Variants in COL25A1 observed in about 807,000 individuals in gnomAD.
The protein encoded by COL25A1 is collagen type XXV alpha 1 chain, also known as collagen alpha-1(XXV) chain.
In COL25A1, 103 loss-of-function variants were observed where a neutral mutation model predicts 128.4. That is an observed-to-expected ratio of 0.80 (90% CI 0.68 to 0.94). The LOEUF (loss-of-function observed/expected upper bound fraction) is 0.94, where lower values mean the gene tolerates loss of function less well. Ranked by LOEUF, COL25A1 falls within the 40% of genes least tolerant of loss-of-function variation. The probability of loss-of-function intolerance (pLI) is 0.00; values close to 1 mark genes in which losing one functional copy is unlikely to be tolerated. For synonymous variants in COL25A1, 279 were observed against 277.2 expected (o/e 1.01, Z -0.06); for missense variants, 745 against 840.0 (o/e 0.89, Z 1.40).
chr4:109,293,925 A>T (rs1402733616), intron 3 of COL25A1, among the ~76,000 whole-genome samples: 1 of 152,142 alleles, frequency 6.6e-6, no homozygotes, highest in Non-Finnish European at 1.5e-5. Context: ...GTTCAATTAC[A>T]TTTAGTTCAT....
At chr4:109,150,648 T>A (rs1271413938) in intron 3 of COL25A1, among the ~76,000 whole-genome samples, 1 of 152,176 alleles carries the variant, frequency 6.6e-6, no homozygotes, top group Non-Finnish European at 1.5e-5. Flanking sequence ...AAAACAACTT[T>A]TTCTATGAGA....
intron 3 of COL25A1, among the ~76,000 whole-genome samples, chr4:109,147,981 C>A (rs550846890): frequency 4.6e-5 from 7 of 152,186 alleles, no homozygotes; most frequent in African/African-American, 1.4e-4. Context: ...GCTAAGAGTT[C>A]AGGAGAGAAT....
chr4:108,863,255 T>C (rs1295093678), intron 21 of COL25A1, 64 bp downstream of exon 21: 1 of 1,505,606 alleles, frequency 6.6e-7, no homozygotes, highest in Non-Finnish European at 9.2e-7. Context: ...GTTGTTTTAG[T>C]TTTTTGTGTT....
At chr4:108,941,213 T>C (rs1748047766) in intron 9 of COL25A1, among the ~76,000 whole-genome samples, 153 bp downstream of exon 9, 1 of 152,188 alleles carries the variant, frequency 6.6e-6, no homozygotes, top group Admixed American at 6.5e-5. Context: ...CAAATGCAGC[T>C]CACTAAACTT....
chr4:109,231,577 A>T (rs1779166729), intron 3 of COL25A1, among the ~76,000 whole-genome samples: 1 of 152,202 alleles, frequency 6.6e-6, no homozygotes, highest in Non-Finnish European at 1.5e-5. Flanking sequence ...TCAGGGATGA[A>T]ATCAAACAAG....
chr4:109,254,019 A>G (rs903901702), intron 3 of COL25A1, among the ~76,000 whole-genome samples: 17 of 151,708 alleles, frequency 1.1e-4, no homozygotes, highest in South Asian at 6.2e-4. Flanking sequence ...CCCAGGAGGC[A>G]GAGCTTGCAG....
At chr4:109,156,875 C>T (rs1319036966) in intron 3 of COL25A1, among the ~76,000 whole-genome samples, 2 of 152,194 alleles carry the variant, frequency 1.3e-5, no homozygotes, top group Non-Finnish European at 2.9e-5. Context: ...CCTTTCATTA[C>T]ATTCTCAAAG....
intron 3 of COL25A1, among the ~76,000 whole-genome samples, chr4:109,184,730 T>G (rs1490208635): frequency 6.6e-6 from 1 of 152,176 alleles, no homozygotes; most frequent in African/African-American, 2.4e-5. Flanking sequence ...ATCACATAAT[T>G]TCAGGGCAGA....
chr4:109,108,707 C>T (rs1316027203), intron 3 of COL25A1, among the ~76,000 whole-genome samples: 1 of 151,996 alleles, frequency 6.6e-6, no homozygotes, highest in Non-Finnish European at 1.5e-5. Flanking sequence ...TTCTCCAATC[C>T]TTCATTAAGG....
At chr4:109,093,632 C>A (rs573353886) in intron 3 of COL25A1, among the ~76,000 whole-genome samples, 2 of 151,756 alleles carry the variant, frequency 1.3e-5, no homozygotes, top group African/African-American at 2.4e-5. Flanking sequence ...CAAAGCAAGA[C>A]CCTATCTCTT....
intron 5 of COL25A1, among the ~76,000 whole-genome samples, chr4:109,042,442 C>A (rs891653264): frequency 6.6e-6 from 1 of 152,024 alleles, no homozygotes; most frequent in African/African-American, 2.4e-5. Flanking sequence ...AAAACTCTAC[C>A]CCCAAACAGC....
At chr4:108,888,164 A>G (rs925661549) in intron 18 of COL25A1, among the ~76,000 whole-genome samples, 1 of 152,164 alleles carries the variant, frequency 6.6e-6, no homozygotes, top group Non-Finnish European at 1.5e-5. Flanking sequence ...AATTAGAGAA[A>G]TGTTAAAAGA....
At chr4:109,210,526 G>A (rs1777412080) in intron 3 of COL25A1, among the ~76,000 whole-genome samples, 1 of 152,160 alleles carries the variant, frequency 6.6e-6, no homozygotes, top group South Asian at 2.1e-4. Context: ...AGACAAAATT[G>A]CAATGTGATC....
At position 108,896,730 on chromosome 4, in the gene COL25A1, G is replaced by A. The variant is rs1449522031; in HGVS notation, c.862-19C>T. ...CGTCTCCCTGAGGAGGTGAGAAAGT[G>A]ACACATGTAAAATACATTGGTGACG... On this transcript the variant is annotated intron_variant, in intron 15 of 37. Transcript: ENST00000399132. 2.5e-6 allele frequency: 4 copies of A among 1,611,490 alleles called. No individual in the cohort carries two copies. The East Asian group carries it at 6.7e-5, about 27-fold the overall frequency.
intron 5 of COL25A1, among the ~76,000 whole-genome samples, chr4:109,015,333 C>T (rs961163955): frequency 6.6e-6 from 1 of 152,192 alleles, no homozygotes; most frequent in Admixed American, 6.5e-5. Context: ...TGAAGGTTAA[C>T]TTTTTCTAAA....
At chr4:109,273,616 G>C (rs1354620212) in intron 3 of COL25A1, among the ~76,000 whole-genome samples, 1 of 152,136 alleles carries the variant, frequency 6.6e-6, no homozygotes, top group Non-Finnish European at 1.5e-5. Flanking sequence ...ATTTGACCCA[G>C]TGGTTTCCAA....
intron 20 of COL25A1, among the ~76,000 whole-genome samples, chr4:108,868,692 A>AAGGGAAGGAAGAAAGGAAGG (rs1480669122): frequency 5.4e-5 from 8 of 147,130 alleles, no homozygotes; most frequent in African/African-American, 1.7e-4. Flanking sequence ...AAGGGAAGCG[A>AAGGGAAGGAAGAAAGGAAGG]AGGGAAGGAA....
At chr4:108,839,037 A>T (rs1390873475) in intron 31 of COL25A1, among the ~76,000 whole-genome samples, 2 of 151,978 alleles carry the variant, frequency 1.3e-5, no homozygotes, top group African/African-American at 4.8e-5. Context: ...AGATGATTTC[A>T]GACACAAATA....
At chr4:109,285,670 A>G (rs1723807961) in intron 3 of COL25A1, among the ~76,000 whole-genome samples, 1 of 152,246 alleles carries the variant, frequency 6.6e-6, no homozygotes, top group South Asian at 2.1e-4. Context: ...CCATTGTTAA[A>G]CACAGTGATT....
Sources: gnomAD v4.1 joint callset for allele counts (sites outside exome capture counted in the v4.1 genomes callset) on GRCh38, gnomAD v4.1.1 for gene constraint, MANE v1.5 for transcripts, NCBI Gene and HGNC (gene_info 2026-07-23, HGNC 2026-07-21) for gene names.